The following DTNA variants were observed in gnomAD, a reference collection of about 807,000 sequenced individuals.
DTNA encodes the protein dystrophin-related protein 3.
DTNA carries 43 observed loss-of-function variants against 100.7 expected under a neutral mutation model. That is an observed-to-expected ratio of 0.43 (90% CI 0.33 to 0.55). The LOEUF (loss-of-function observed/expected upper bound fraction) is 0.55. Ranked by LOEUF, DTNA falls within the 20% of genes least tolerant of loss-of-function variation. DTNA has a pLI of 0.04. For missense variants in DTNA, 798 were observed against 953.9 expected (o/e 0.84, Z 2.15); for synonymous variants, 349 against 347.9 (o/e 1.00, Z -0.04).
intron 1 of DTNA, among the ~76,000 whole-genome samples, chr18:34,556,121 G>A (rs1438773543): frequency 4.6e-5 from 7 of 151,480 alleles, no homozygotes; most frequent in African/African-American, 1.7e-4. Flanking sequence ...TTACCATTAT[G>A]TAATGGCCTT....
At chr18:34,544,139 C>T (rs2044525030) in intron 1 of DTNA, among the ~76,000 whole-genome samples, 1 of 152,002 alleles carries the variant, frequency 6.6e-6, no homozygotes, top group South Asian at 2.1e-4. Flanking sequence ...AGCCACTGAC[C>T]TCATGGAAGC....
At position 34,732,656 on chromosome 18, in the gene DTNA, T is replaced by C. The variant is rs115065715; in HGVS notation, c.-2+22211T>C. ...AAAAATCAGCAAGCTGGAAAAGACA[T>C]TCTTCTATAATCCCAAGCAAAGAAA... On this transcript the variant is annotated intron_variant, in intron 1 of 22. Transcript: ENST00000444659. Among the ~76,000 whole-genome samples, 225 of 152,314 alleles carry C rather than the reference T, an allele frequency of 1.5e-3. 1 individual carries two copies. Among genetic ancestry groups the C allele is most frequent in the African/African-American group, 5.1e-3 (214 of 41,570 alleles).
chr18:34,634,788 C>A (rs2058481556), intron 1 of DTNA, among the ~76,000 whole-genome samples: 1 of 152,100 alleles, frequency 6.6e-6, no homozygotes, highest in Non-Finnish European at 1.5e-5. Context: ...CTAAATTGAG[C>A]TAACATATGC....
intron 4 of DTNA, among the ~76,000 whole-genome samples, chr18:34,804,164 A>G (rs1777075777): frequency 6.6e-6 from 1 of 152,152 alleles, no homozygotes; most frequent in African/African-American, 2.4e-5. Flanking sequence ...TGGCATCTTG[A>G]CAAATGGATG....
At chr18:34,496,736 T>C (rs2039283091) in intron 1 of DTNA, among the ~76,000 whole-genome samples, 1 of 152,150 alleles carries the variant, frequency 6.6e-6, no homozygotes, top group Non-Finnish European at 1.5e-5. Context: ...ATGAAAGAAG[T>C]TCTATGAGAA....
chr18:34,575,932 T>G (rs2048071909), intron 1 of DTNA, among the ~76,000 whole-genome samples: 1 of 152,206 alleles, frequency 6.6e-6, no homozygotes, highest in Non-Finnish European at 1.5e-5. Flanking sequence ...AGTCTGGCCT[T>G]CAACCAAGAC....
At chr18:34,566,465 C>T (rs528676125) in intron 1 of DTNA, among the ~76,000 whole-genome samples, 1 of 152,000 alleles carries the variant, frequency 6.6e-6, no homozygotes, top group Non-Finnish European at 1.5e-5. Context: ...GAAATTAAAC[C>T]AATACATGGC....
rs2096552946 is a variant in DTNA, at chr18:34,856,386, G to C, written c.1533-1899G>C. Among the ~76,000 whole-genome samples, 4 of 152,186 alleles carry C rather than the reference G, an allele frequency of 2.6e-5. No individual in the cohort carries two copies. In the South Asian group the frequency reaches 8.3e-4, roughly 32 times the overall value. ...GATAGAGTTCCTCATTTCATTTAATGACTCTGTCTACCCCAGGTAACACAC... is the reference window on the plus strand; with the variant it reads ...GATAGAGTTCCTCATTTCATTTAATCACTCTGTCTACCCCAGGTAACACAC... On this transcript the variant is annotated intron_variant, in intron 15 of 22. Transcript: ENST00000444659.
At chr18:34,541,670 G>A (rs989123636) in intron 1 of DTNA, among the ~76,000 whole-genome samples, 2 of 152,050 alleles carry the variant, frequency 1.3e-5, no homozygotes, top group African/African-American at 4.8e-5. Context: ...TGTGAGAACA[G>A]ACTAATACAG....
At chr18:34,637,290 T>C (rs1274491675) in intron 1 of DTNA, among the ~76,000 whole-genome samples, 1 of 152,184 alleles carries the variant, frequency 6.6e-6, no homozygotes, top group African/African-American at 2.4e-5. Flanking sequence ...GCAACCAGGA[T>C]TTAATTAAGT....
intron 1 of DTNA, among the ~76,000 whole-genome samples, chr18:34,590,403 T>C (rs16965578): frequency 0.1 from 15,664 of 152,238 alleles, 1,168 homozygotes; most frequent in African/African-American, 0.21. Context: ...ACAAAAATAT[T>C]AGCTATAAAA....
At chr18:34,494,219 T>C (rs1336574703) in intron 1 of DTNA, among the ~76,000 whole-genome samples, 1 of 151,958 alleles carries the variant, frequency 6.6e-6, no homozygotes, top group Non-Finnish European at 1.5e-5. Context: ...TTAGGGATGA[T>C]ACTCACGTCG....
At chr18:34,815,447 A>C (rs1301091908) in intron 6 of DTNA, among the ~76,000 whole-genome samples, 2 of 152,218 alleles carry the variant, frequency 1.3e-5, no homozygotes, top group East Asian at 3.9e-4. Context: ...AACCATTCAC[A>C]TTAACCACTA....
intron 11 of DTNA, among the ~76,000 whole-genome samples, chr18:34,833,208 G>A (rs906395652): frequency 6.6e-6 from 1 of 152,058 alleles, no homozygotes; most frequent in Non-Finnish European, 1.5e-5. Flanking sequence ...AGCAGAAGTG[G>A]TTTTTAAAAA....
intron 2 of DTNA, among the ~76,000 whole-genome samples, chr18:34,760,596 G>C (rs1245748645): frequency 6.6e-6 from 1 of 152,134 alleles, no homozygotes; most frequent in Non-Finnish European, 1.5e-5. Flanking sequence ...TCCACTAATA[G>C]TGCCCATCAC....
chr18:34,497,721 T>C (rs897772672), intron 1 of DTNA, among the ~76,000 whole-genome samples: 12 of 152,008 alleles, frequency 7.9e-5, no homozygotes, highest in Non-Finnish European at 1.8e-4. Context: ...ACTTCCTTTA[T>C]ATGAATACTT....
At chr18:34,714,652 C>A (rs1330419752) in intron 1 of DTNA, among the ~76,000 whole-genome samples, 1 of 151,616 alleles carries the variant, frequency 6.6e-6, no homozygotes, top group Non-Finnish European at 1.5e-5. Context: ...TAAACTAGTT[C>A]AACCATTGTG....
intron 1 of DTNA, among the ~76,000 whole-genome samples, chr18:34,572,591 A>G (rs2849498): frequency 0.2 from 30,090 of 152,054 alleles, 3,505 homozygotes; most frequent in African/African-American, 0.31. Flanking sequence ...TACTCTTAGA[A>G]ACTTAAGTGA....
chr18:34,543,263 A>T (rs1365888101), intron 1 of DTNA, among the ~76,000 whole-genome samples: 1 of 151,860 alleles, frequency 6.6e-6, no homozygotes, highest in Non-Finnish European at 1.5e-5. Context: ...AATGAAATGT[A>T]TTTATTAAAT....
Sources: allele counts gnomAD v4.1 joint callset (sites outside exome capture counted in the v4.1 genomes callset), GRCh38; gene constraint gnomAD v4.1.1; transcripts MANE v1.5; gene names NCBI Gene and HGNC (gene_info 2026-07-23, HGNC 2026-07-21).